The following ANKK1 variants were observed in gnomAD, a reference collection of about 807,000 sequenced individuals.
ANKK1 encodes ankyrin repeat and kinase domain containing 1, also known as ankyrin repeat and protein kinase domain-containing protein 1.
ANKK1 carries 37 observed loss-of-function variants against 37.6 expected under a neutral mutation model. That is an observed-to-expected ratio of 0.98 (90% CI 0.76 to 1.29). ANKK1 has a LOEUF of 1.29. ANKK1 is among the 50% of genes most tolerant of loss of function. The pLI is 0.00. For synonymous variants in ANKK1, 415 were observed against 418.7 expected (o/e 0.99, Z 0.11); for missense variants, 1,019 against 990.6 (o/e 1.03, Z -0.39).
At chr11:113,395,937 C>T (rs765053617) in intron 4 of ANKK1, 130 bp from the exon 5 acceptor site, 1 of 1,056,736 alleles carries the variant, frequency 9.5e-7, no homozygotes, top group Non-Finnish European at 1.4e-6. Flanking sequence ...TAGCTGTTTA[C>T]TCACCAAGCA....
rs376917707 is a variant in ANKK1, at chr11:113,395,091, G to A, written c.632+11G>A. On this transcript the variant is annotated intron_variant, in intron 3 of 7. Coordinates refer to ENST00000303941, the MANE Select transcript of ANKK1 (RefSeq NM_178510.2). Reference sequence around the variant, plus strand: ...ATATGATGTGTACAGGTGAGAAGGAGGCCTGGCGTGATGCCACACACCCAG... The same window carrying A: ...ATATGATGTGTACAGGTGAGAAGGAAGCCTGGCGTGATGCCACACACCCAG... 1 of 1,587,570 alleles carries A rather than the reference G, an allele frequency of 6.3e-7. No homozygotes were observed. Among genetic ancestry groups the A allele is most frequent in the East Asian group, 2.3e-5 (1 of 44,326 alleles).
intron 1 of ANKK1, among the ~76,000 whole-genome samples, chr11:113,390,319 A>G (rs1394232359): frequency 2.0e-5 from 3 of 152,240 alleles, no homozygotes; most frequent in East Asian, 3.8e-4. Flanking sequence ...TCATGAGTTC[A>G]GCTTTGTACC....
At chr11:113,395,186 T>G in intron 3 of ANKK1, 106 bp downstream of exon 3, 5 of 1,506,678 alleles carry the variant, frequency 3.3e-6, no homozygotes, top group Middle Eastern at 1.7e-4. Context: ...GGGCATGAGG[T>G]CTGGCCCAAG....
rs1244053542 is a variant in ANKK1 at position 113,393,681 on chromosome 11, T to C, written c.386T>C (p.Leu129Ser). The C allele has an allele frequency of 2.5e-6, 4 of 1,613,950 alleles. No homozygotes were observed. The Admixed American group carries it at 5.0e-5, about 20-fold the overall frequency. Residue 129 changes from leucine (L) to serine (S), a missense_variant, in exon 2 of 8, where the codon TTG (leucine) becomes TCG (serine). Physicochemically the swap from Leu to Ser is moderately radical, Grantham distance 145. Coordinates refer to ENST00000303941, the MANE Select transcript of ANKK1 (RefSeq NM_178510.2). ...TTCCGCATCATCCATGAGACCAGCT[T>C]GGCCATGAACTTCCTGCACAGCATT... ...LRFRIIHETSLAMNFLHSIKP... is the reference protein window; with the variant it reads ...LRFRIIHETSSAMNFLHSIKP...
In ANKK1 at chr11:113,397,104, A is replaced by T. The variant is rs7122884; in HGVS notation, c.839-120A>T. The T allele has an allele frequency of 2.2e-3, 1,778 of 806,168 alleles. 12 individuals are homozygous for T. The highest frequency in any genetic ancestry group is 0.015 in the African/African-American group (881 of 58,252). 49.9% of individuals were successfully genotyped at this position (806,168 alleles called of 1,614,324 possible). A position where few individuals can be genotyped will look rare whatever the true frequency, so the allele number is the denominator to read the frequency against. The stretch of plus-strand genomic sequence containing the variant: ...CCTGCCTTCTCGTGCATTTATATGA[A>T]CATATGTGAGCCCAGGAATGGATTT... On this transcript the variant is annotated intron_variant, in intron 5 of 7. Transcript: ENST00000303941.
rs1164886014 is a variant in ANKK1, at chr11:113,397,852, C to T, written c.958-128C>T. ...AGTCATGGCAAAGGATAAAGGTTTCCCAGGATAGGGTGGGATGTGAGTCCT... is the reference window on the plus strand; with the variant it reads ...AGTCATGGCAAAGGATAAAGGTTTCTCAGGATAGGGTGGGATGTGAGTCCT... On this transcript the variant is annotated intron_variant, in intron 6 of 7. Transcript: ENST00000303941. 2.8e-6 allele frequency: 3 copies of T among 1,054,796 alleles called. No individual in the cohort carries two copies. In the East Asian group the frequency reaches 7.8e-5, roughly 27 times the overall value. The allele number at this position is 1,054,796 out of a possible 1,614,324, so 65.3% of individuals were successfully genotyped here.
At chr11:113,395,451 C>G in intron 4 of ANKK1, 43 bp downstream of exon 4, 1 of 1,604,396 alleles carries the variant, frequency 6.2e-7, no homozygotes, top group African/African-American at 1.3e-5. Context: ...CAGGAGGACC[C>G]CTGGGATGGG....
In ANKK1 at chr11:113,399,017, G is replaced by C. The variant is rs1452807634; in HGVS notation, c.1048G>C (p.Val350Leu). The change falls in exon 8 of 8, where the codon GTC becomes CTC. Residue 350 changes from valine to leucine, a missense_variant. Coordinates refer to ENST00000303941, the MANE Select transcript of ANKK1 (RefSeq NM_178510.2). ...TCAGCTCTCCGACCGTAAGAATTTG[G>C]TCCCGAGAGATGAGGAACTGTGTAT... is the stretch of plus-strand genomic sequence containing the variant. Reference protein sequence around the residue: ...ALQLSDRKNLVPRDEELCIYE... With the variant: ...ALQLSDRKNLLPRDEELCIYE... 2.5e-6 allele frequency: 4 copies of C among 1,600,548 alleles called. No homozygotes were observed. The East Asian group carries it at 9.0e-5, about 36-fold the overall frequency.
In ANKK1 at chr11:113,393,542, A is replaced by G; in HGVS notation, c.247A>G (p.Ile83Val). Residue 83 changes from isoleucine (I) to valine (V), a missense_variant, in exon 2 of 8, where the codon ATC (isoleucine) becomes GTC (valine). Ile to Val is a conservative substitution (Grantham distance 29, BLOSUM62 3). Coordinates refer to ENST00000303941, the MANE Select transcript of ANKK1 (RefSeq NM_178510.2). ...AATGAAGAAGATCAAGTTTCAGCAC[A>G]TCGTGTCTATCTACGGGGTGTGCAA... ...AKMKKIKFQH[I>V]VSIYGVCKQP... 1 of 1,614,006 alleles carries G rather than the reference A, an allele frequency of 6.2e-7. No individual in the cohort carries two copies.
At position 113,393,782 on chromosome 11, in the gene ANKK1, G is replaced by T. The variant is rs1950612077; in HGVS notation, c.480+7G>T. 1 of 1,592,646 alleles carries T rather than the reference G, an allele frequency of 6.3e-7. No homozygotes were observed. Among genetic ancestry groups the T allele is most frequent in the Admixed American group, 1.7e-5 (1 of 59,360 alleles). On this transcript the variant is annotated splice_region_variant and intron_variant, in intron 2 of 7. Coordinates refer to ENST00000303941, the MANE Select transcript of ANKK1 (RefSeq NM_178510.2). Reference sequence around the variant, plus strand: ...CAGCAACATGCATGTCAAAGTAAGGGCTCTGGCCAATCCTCCGCTCCCTTT... The same window carrying T: ...CAGCAACATGCATGTCAAAGTAAGGTCTCTGGCCAATCCTCCGCTCCCTTT...
At chr11:113,389,748 A>G (rs1339732681) in intron 1 of ANKK1, among the ~76,000 whole-genome samples, 1 of 152,206 alleles carries the variant, frequency 6.6e-6, no homozygotes, top group Non-Finnish European at 1.5e-5. Flanking sequence ...TGTGCAAAGA[A>G]TCTGTGGCAA....
chr11:113,398,162 A>C, intron 7 of ANKK1, 146 bp downstream of exon 7: 1 of 945,150 alleles, frequency 1.1e-6, no homozygotes. Flanking sequence ...TCCAGCACCC[A>C]GCTGCATGTT....
rs374171189 is a variant in ANKK1 at position 113,395,234 on chromosome 11, G to T, written c.633-125G>T. 3.3e-6 allele frequency: 5 copies of T among 1,497,276 alleles called. No homozygotes were observed. In the Admixed American group the frequency reaches 7.7e-5, roughly 23 times the overall value. The allele number at this position is 1,497,276 out of a possible 1,614,324, so 92.7% of individuals were successfully genotyped here. ...GGCTGGAGAGGCAGAGGGCTGGGGA[G>T]TACTTTGGCCGGTGAGGCTTGCCTG... On this transcript the variant is annotated intron_variant, in intron 3 of 7. Coordinates refer to ENST00000303941, the MANE Select transcript of ANKK1 (RefSeq NM_178510.2).
intron 7 of ANKK1, 86 bp downstream of exon 7, chr11:113,398,102 C>A: frequency 6.8e-7 from 1 of 1,465,094 alleles, no homozygotes; most frequent in Non-Finnish European, 9.3e-7. Context: ...TCCCCCTGGC[C>A]TCCCCCTCAT....
At chr11:113,390,898 C>A (rs528904369) in intron 1 of ANKK1, among the ~76,000 whole-genome samples, 1 of 152,302 alleles carries the variant, frequency 6.6e-6, no homozygotes, top group East Asian at 1.9e-4. Flanking sequence ...CTATAGCACT[C>A]ATGACCACCT....
intron 1 of ANKK1, among the ~76,000 whole-genome samples, chr11:113,390,024 G>A (rs894648297): frequency 6.6e-6 from 1 of 152,134 alleles, no homozygotes; most frequent in African/African-American, 2.4e-5. Flanking sequence ...GAAAGGAATG[G>A]GTCAAGCCAT....
intron 1 of ANKK1, among the ~76,000 whole-genome samples, chr11:113,391,742 T>C (rs1166079205): frequency 1.3e-5 from 2 of 151,942 alleles, no homozygotes; most frequent in Non-Finnish European, 2.9e-5. Flanking sequence ...GAATATCCAA[T>C]TGGAGATGAT....
intron 5 of ANKK1, 83 bp from the exon 6 acceptor site, chr11:113,397,141 A>G: frequency 9.0e-7 from 1 of 1,116,866 alleles, no homozygotes; most frequent in Non-Finnish European, 1.3e-6. Context: ...GGGAGACAGG[A>G]ATGTTAGGGT....
intron 1 of ANKK1, among the ~76,000 whole-genome samples, chr11:113,391,860 G>T (rs900734415): frequency 3.3e-5 from 5 of 152,148 alleles, no homozygotes; most frequent in Non-Finnish European, 5.9e-5. Flanking sequence ...AAACAGAGAG[G>T]AAGTGACCAG....
Sources: gnomAD v4.1 joint callset for allele counts (sites outside exome capture counted in the v4.1 genomes callset) on GRCh38, gnomAD v4.1.1 for gene constraint, MANE v1.5 for transcripts, NCBI Gene and HGNC (gene_info 2026-07-23, HGNC 2026-07-21) for gene names.